The following PRDM6 variants were observed in gnomAD, a reference collection of about 807,000 sequenced individuals.
PRDM6 encodes the protein putative histone-lysine N-methyltransferase PRDM6.
In PRDM6, 25 loss-of-function variants were observed where a neutral mutation model predicts 60.8. That is an observed-to-expected ratio of 0.41 (90% CI 0.30 to 0.57). PRDM6 has a LOEUF of 0.57. Ranked by LOEUF, PRDM6 falls within the 20% of genes least tolerant of loss-of-function variation. PRDM6 has a pLI of 0.27. For missense variants in PRDM6, 839 were observed against 821.3 expected (o/e 1.02, Z -0.26); for synonymous variants, 407 against 357.4 (o/e 1.14, Z -1.57).
chr5:123,123,236 A>G (rs146534419), intron 3 of PRDM6, among the ~76,000 whole-genome samples: 46 of 152,250 alleles, frequency 3.0e-4, no homozygotes, highest in African/African-American at 1.1e-3. Flanking sequence ...CTTTCATATT[A>G]GTGGCTTTTA....
intron 3 of PRDM6, among the ~76,000 whole-genome samples, chr5:123,103,207 T>C (rs337125): frequency 0.51 from 77,823 of 151,730 alleles, 20,124 homozygotes; most frequent in Middle Eastern, 0.56. Flanking sequence ...TGTTTTTTCT[T>C]TTTTTGCAAT....
At chr5:123,093,380 A>G (rs1763886424) in intron 2 of PRDM6, among the ~76,000 whole-genome samples, 1 of 152,184 alleles carries the variant, frequency 6.6e-6, no homozygotes, top group East Asian at 1.9e-4. Flanking sequence ...CACTAGTTTC[A>G]CCTTGAAACT....
intron 2 of PRDM6, among the ~76,000 whole-genome samples, chr5:123,095,453 C>T (rs1763935005): frequency 6.6e-6 from 1 of 152,234 alleles, no homozygotes; most frequent in African/African-American, 2.4e-5. Context: ...AAGTTCGGGC[C>T]CGGATGCTCT....
intron 3 of PRDM6, among the ~76,000 whole-genome samples, chr5:123,121,021 T>C (rs892029670): frequency 1.3e-5 from 2 of 152,352 alleles, no homozygotes; most frequent in Non-Finnish European, 2.9e-5. Flanking sequence ...GTTTTAAAGA[T>C]CTGTGAGTTG....
chr5:123,162,799 G>A (rs1765665757), intron 5 of PRDM6, among the ~76,000 whole-genome samples: 1 of 152,188 alleles, frequency 6.6e-6, no homozygotes, highest in South Asian at 2.1e-4. Context: ...TCGTGTGGGG[G>A]AGATATATGA....
chr5:123,158,240 G>A (rs987401447), intron 4 of PRDM6, among the ~76,000 whole-genome samples: 2 of 152,190 alleles, frequency 1.3e-5, no homozygotes, highest in African/African-American at 4.8e-5. Flanking sequence ...CAAGGGTGAA[G>A]TACAAAGTAG....
chr5:123,158,545 C>T (rs2126874646), intron 4 of PRDM6, among the ~76,000 whole-genome samples: 1 of 152,272 alleles, frequency 6.6e-6, no homozygotes, highest in Admixed American at 6.5e-5. Flanking sequence ...TGAGAATCTG[C>T]ACTTTTTTAT....
intron 3 of PRDM6, among the ~76,000 whole-genome samples, chr5:123,134,587 G>A (rs764532060): frequency 6.6e-6 from 1 of 151,970 alleles, no homozygotes; most frequent in East Asian, 1.9e-4. Context: ...AATTTTATGG[G>A]CATTTTTTAA....
intron 3 of PRDM6, 50 bp from the exon 4 acceptor site, chr5:123,155,834 G>A: frequency 6.5e-7 from 1 of 1,534,954 alleles, no homozygotes; most frequent in Admixed American, 2.1e-5. Flanking sequence ...TAGGGAAAAT[G>A]ATTGCTGATG....
chr5:123,173,718 A>G (rs1179392371), intron 6 of PRDM6, among the ~76,000 whole-genome samples: 1 of 152,214 alleles, frequency 6.6e-6, no homozygotes, highest in Admixed American at 6.5e-5. Flanking sequence ...ATCACATCTG[A>G]GTTGATTGTT....
At chr5:123,098,760 C>A (rs1192563817) in intron 2 of PRDM6, among the ~76,000 whole-genome samples, 1 of 152,230 alleles carries the variant, frequency 6.6e-6, no homozygotes, top group Non-Finnish European at 1.5e-5. Flanking sequence ...GTTAAATTTG[C>A]TATTCCTTTC....
intron 3 of PRDM6, among the ~76,000 whole-genome samples, chr5:123,122,370 T>C (rs1178403638): frequency 6.6e-6 from 1 of 152,182 alleles, no homozygotes; most frequent in East Asian, 1.9e-4. Context: ...GTCAACCTTT[T>C]GAAATATAAT....
At chr5:123,110,428 T>G (rs1305481754) in intron 3 of PRDM6, among the ~76,000 whole-genome samples, 2 of 151,356 alleles carry the variant, frequency 1.3e-5, no homozygotes, top group African/African-American at 4.9e-5. Flanking sequence ...CTGGTTAATT[T>G]TTGTGTATTT....
chr5:123,130,112 TC>T (rs1764790444), intron 3 of PRDM6, among the ~76,000 whole-genome samples: 1 of 28,268 alleles, frequency 3.5e-5, no homozygotes, highest in African/African-American at 2.2e-4. Flanking sequence ...TCCCCTCCCC[TC>T]CTCTCCCCTT....
intron 3 of PRDM6, among the ~76,000 whole-genome samples, chr5:123,131,687 A>G (rs980840815): frequency 6.6e-6 from 1 of 152,234 alleles, no homozygotes; most frequent in East Asian, 1.9e-4. Context: ...TTTAATATCT[A>G]TCTTTCTCAG....
At chr5:123,106,399 C>T (rs758330808) in intron 3 of PRDM6, among the ~76,000 whole-genome samples, 10 of 152,228 alleles carry the variant, frequency 6.6e-5, no homozygotes, top group South Asian at 6.2e-4. Context: ...TCAGTGTGGC[C>T]GGGCCTCCTG....
At chr5:123,100,428 G>A (rs1421146136) in intron 3 of PRDM6, among the ~76,000 whole-genome samples, 1 of 152,182 alleles carries the variant, frequency 6.6e-6, no homozygotes, top group African/African-American at 2.4e-5. Flanking sequence ...AAGCATAGAG[G>A]GGAGGAAGGA....
intron 3 of PRDM6, among the ~76,000 whole-genome samples, chr5:123,143,157 G>GTC (rs1765157238): frequency 2.0e-5 from 3 of 148,050 alleles, no homozygotes; most frequent in African/African-American, 7.3e-5. Flanking sequence ...AAGTGTGTGT[G>GTC]TGTGTGTGTG....
At chr5:123,153,200 CAA>C (rs3036136) in intron 3 of PRDM6, among the ~76,000 whole-genome samples, 36,119 of 122,336 alleles carry the variant, frequency 0.3, 4,465 homozygotes, top group African/African-American at 0.32. Context: ...AACTGAACTA[CAA>C]AAAAAAAAAA....
Sources: gnomAD v4.1 joint callset for allele counts (sites outside exome capture counted in the v4.1 genomes callset) on GRCh38, gnomAD v4.1.1 for gene constraint, MANE v1.5 for transcripts, NCBI Gene and HGNC (gene_info 2026-07-23, HGNC 2026-07-21) for gene names.